LUZP2: variants seen among roughly 807,000 people sequenced by gnomAD.
LUZP2 encodes leucine zipper protein 2.
LUZP2 carries 52 observed loss-of-function variants against 51.6 expected under a neutral mutation model. The ratio of observed to expected loss-of-function variants is 1.01; its 90% confidence interval spans 0.81 to 1.27. The LOEUF is 1.27. Among genes scored for constraint, LUZP2 ranks in the 50% most tolerant of loss-of-function variants. The pLI is 0.00. For missense variants in LUZP2, 436 were observed against 395.4 expected, an observed-to-expected ratio of 1.10 and a Z score of -0.87; for synonymous variants, 154 against 137.3, an observed-to-expected ratio of 1.12 and a Z score of -0.85.
At chr11:24,643,354 G>C (rs560600283) in intron 1 of LUZP2, among the ~76,000 whole-genome samples, 30 of 151,526 alleles carry the variant, frequency 2.0e-4, no homozygotes, top group African/African-American at 7.3e-4. Context: ...GAATTAAGAA[G>C]TACTTCAAAA....
Position 24,528,719 on chromosome 11 carries a change from G to C in LUZP2, c.62+31414G>C, listed in dbSNP as rs368316428. Among the ~76,000 whole-genome samples the C allele has an allele frequency of 2.6e-5, 4 of 151,222 alleles. No homozygotes were observed. In the South Asian group the frequency reaches 8.3e-4, roughly 31 times the overall value. Reference sequence around the variant, plus strand: ...CAACCTGGAGATTCTGCTTTCTACAGAGACGAACTAAAATGTGTTGAGGAC... The same window carrying C: ...CAACCTGGAGATTCTGCTTTCTACACAGACGAACTAAAATGTGTTGAGGAC... On this transcript the variant is annotated intron_variant, in intron 1 of 11. Coordinates refer to ENST00000336930, the MANE Select transcript of LUZP2 (RefSeq NM_001009909.4).
intron 1 of LUZP2, among the ~76,000 whole-genome samples, chr11:24,528,300 G>A (rs1850883138): frequency 6.6e-6 from 1 of 151,086 alleles, no homozygotes. Context: ...CCTTACTGCA[G>A]GAATTTCTAT....
intron 5 of LUZP2, among the ~76,000 whole-genome samples, chr11:24,816,822 C>T (rs1258898451): frequency 1.3e-5 from 2 of 151,966 alleles, no homozygotes; most frequent in Admixed American, 6.6e-5. Flanking sequence ...ATATAGGTAA[C>T]TCAGTTTTTG....
intron 1 of LUZP2, among the ~76,000 whole-genome samples, chr11:24,622,255 T>A (rs1377460760): frequency 6.6e-6 from 1 of 151,690 alleles, no homozygotes; most frequent in Non-Finnish European, 1.5e-5. Flanking sequence ...ATTAGGTATA[T>A]CTCCTAATGC....
chr11:24,519,417 C>A (rs893118119), intron 1 of LUZP2, among the ~76,000 whole-genome samples: 1 of 152,146 alleles, frequency 6.6e-6, no homozygotes, highest in Non-Finnish European at 1.5e-5. Flanking sequence ...ATGTAAGATT[C>A]ATTCCTTGAG....
intron 7 of LUZP2, among the ~76,000 whole-genome samples, chr11:24,926,640 T>C (rs1471013138): frequency 7.9e-6 from 1 of 127,042 alleles, no homozygotes; most frequent in East Asian, 2.6e-4. Context: ...TATATATGTA[T>C]ATATATATAT....
chr11:24,559,803 A>C (rs2133768862), intron 1 of LUZP2, among the ~76,000 whole-genome samples: 1 of 152,308 alleles, frequency 6.6e-6, no homozygotes, highest in African/African-American at 2.4e-5. Context: ...CTAAACTTAT[A>C]GAAAGGGATA....
At chr11:24,864,590 G>A (rs547935640) in intron 5 of LUZP2, among the ~76,000 whole-genome samples, 46 of 152,252 alleles carry the variant, frequency 3.0e-4, no homozygotes, top group South Asian at 4.1e-4. Context: ...GGCTGTGTCC[G>A]CATGGTGGCA....
chr11:24,553,253 A>T (rs1851771993), intron 1 of LUZP2, among the ~76,000 whole-genome samples: 1 of 151,998 alleles, frequency 6.6e-6, no homozygotes, highest in Admixed American at 6.6e-5. Flanking sequence ...GATATTATTT[A>T]TAAGTTTGTT....
intron 1 of LUZP2, among the ~76,000 whole-genome samples, chr11:24,711,482 T>C (rs1590383001): frequency 7.4e-6 from 1 of 135,650 alleles, no homozygotes; most frequent in African/African-American, 2.5e-5. Flanking sequence ...AATAAATAAA[T>C]AAATAAATAA....
At chr11:24,798,216 T>C (rs1849601802) in intron 5 of LUZP2, among the ~76,000 whole-genome samples, 1 of 151,786 alleles carries the variant, frequency 6.6e-6, no homozygotes, top group Admixed American at 6.6e-5. Context: ...TTTTTTATTA[T>C]TTATGTATTT....
intron 11 of LUZP2, 67 bp downstream of exon 11, chr11:25,077,473 A>T: frequency 1.6e-6 from 1 of 626,244 alleles, no homozygotes; most frequent in East Asian, 4.4e-5. Flanking sequence ...TTATTTATTT[A>T]TTTTTATTTA....
chr11:24,787,467 T>A (rs1156824995), intron 5 of LUZP2, among the ~76,000 whole-genome samples: 2 of 152,192 alleles, frequency 1.3e-5, no homozygotes, highest in African/African-American at 4.8e-5. Flanking sequence ...ATTATTATTA[T>A]CATTGGTAAT....
At chr11:24,812,698 G>A (rs935339362) in intron 5 of LUZP2, among the ~76,000 whole-genome samples, 1 of 152,102 alleles carries the variant, frequency 6.6e-6, no homozygotes, top group African/African-American at 2.4e-5. Context: ...ACATTATGTG[G>A]GTTTTGCTCT....
chr11:24,552,444 A>G (rs1212399938), intron 1 of LUZP2, among the ~76,000 whole-genome samples: 1 of 152,070 alleles, frequency 6.6e-6, no homozygotes, highest in Non-Finnish European at 1.5e-5. Flanking sequence ...CTACTGTTTT[A>G]TATAGTTTTA....
intron 1 of LUZP2, among the ~76,000 whole-genome samples, chr11:24,697,679 TGA>T (rs1180132623): frequency 6.6e-6 from 1 of 152,196 alleles, no homozygotes; most frequent in African/African-American, 2.4e-5. Context: ...ATTAGAAATC[TGA>T]GAGGAGTCTG....
intron 1 of LUZP2, among the ~76,000 whole-genome samples, chr11:24,585,441 C>T (rs1853031100): frequency 6.6e-6 from 1 of 152,124 alleles, no homozygotes. Flanking sequence ...TGTGAGTCAT[C>T]ACTTTTATGT....
At chr11:24,515,387 G>T (rs1246383431) in intron 1 of LUZP2, among the ~76,000 whole-genome samples, 1 of 152,072 alleles carries the variant, frequency 6.6e-6, no homozygotes, top group Non-Finnish European at 1.5e-5. Flanking sequence ...TTGGCAATTG[G>T]TTGGTTTATA....
intron 9 of LUZP2, among the ~76,000 whole-genome samples, chr11:25,046,570 T>A (rs573948870): frequency 6.6e-6 from 1 of 152,208 alleles, no homozygotes; most frequent in South Asian, 2.1e-4. Flanking sequence ...ATGAAAAATA[T>A]GTACTAGCTT....
Sources: gnomAD v4.1 joint callset for allele counts (sites outside exome capture counted in the v4.1 genomes callset) on GRCh38, gnomAD v4.1.1 for gene constraint, MANE v1.5 for transcripts, NCBI Gene and HGNC (gene_info 2026-07-23, HGNC 2026-07-21) for gene names.